Variants in ZNF24 observed in about 807,000 individuals in gnomAD.
ZNF24 encodes the protein retinoic acid suppression protein A.
ZNF24 carries 11 observed loss-of-function variants against 40.9 expected under a neutral mutation model. The ratio of observed to expected loss-of-function variants is 0.27; its 90% CI spans 0.17 to 0.45. The LOEUF (loss-of-function observed/expected upper bound fraction) is 0.45. ZNF24 is among the 20% of genes least tolerant of loss of function. The pLI, the probability that ZNF24 is intolerant of heterozygous loss-of-function variation, is 1.00. For synonymous variants in ZNF24, 139 were observed against 154.7 expected (o/e 0.90, Z 0.75); for missense variants, 293 against 437.7 (o/e 0.67, Z 2.95).
At chr18:35,343,575 G>A (rs1419740028) in intron 1 of ZNF24, among the ~76,000 whole-genome samples, 3 of 152,134 alleles carry the variant, frequency 2.0e-5, no homozygotes, top group Non-Finnish European at 4.4e-5. Context: ...ATCAGAAAAG[G>A]CCTTATCAGA....
chr18:35,344,033 CCCCCTCCCATCA>C (rs1462746570), intron 1 of ZNF24: 1 of 152,270 alleles, frequency 6.6e-6, no homozygotes, highest in African/African-American at 2.4e-5. Flanking sequence ...CCCACTACCA[CCCCCTCCCATCA>C]CGACTCCCAG....
At chr18:35,344,100 C>G (rs994737214) in intron 1 of ZNF24, among the ~76,000 whole-genome samples, 1 of 152,138 alleles carries the variant, frequency 6.6e-6, no homozygotes, top group Non-Finnish European at 1.5e-5. Context: ...ACAAAACCGG[C>G]CGGTGGGGGA....
chr18:35,338,919 C>A, intron 3 of ZNF24: 1 of 1,462,610 alleles, frequency 6.8e-7, no homozygotes, highest in Non-Finnish European at 9.0e-7. Context: ...GAAGAATGTC[C>A]CATGAAACAT....
chr18:35,337,212 C>CTT lies in ZNF24; in HGVS notation c.*18_*19dup, dbSNP rs371928337. The stretch of plus-strand genomic sequence containing the variant: ...GAAGAAAAAGACCTGAGTGCTGATT[C>CTT]TTTTTTTTTTTTCAATTTCTTAAAC... On this transcript the variant is annotated 3_prime_UTR_variant, in exon 4 of 4. Coordinates refer to ENST00000261332, the MANE Select transcript of ZNF24 (RefSeq NM_006965.4). 86 of 1,056,606 alleles carry CTT rather than the reference C, an allele frequency of 8.1e-5. No homozygotes were observed. The highest frequency in any genetic ancestry group is 4.7e-4 in the Middle Eastern group (2 of 4,254). 65.5% of individuals were successfully genotyped at this position (1,056,606 alleles called of 1,614,324 possible).
rs529878248 is a variant in ZNF24 at position 35,337,099 on chromosome 18, T to G, written c.*133A>C. The G allele has an allele frequency of 1.3e-4, 91 of 720,270 alleles. No homozygotes were observed. In the African/African-American group the frequency reaches 1.5e-3, roughly 12 times the overall value. The allele number at this position is 720,270 out of a possible 1,614,324, so 44.6% of individuals were successfully genotyped here. On this transcript the variant is annotated 3_prime_UTR_variant, in exon 4 of 4. Coordinates refer to ENST00000261332, the MANE Select transcript of ZNF24 (RefSeq NM_006965.4). ...AAATATCATAATGGTGAGTGAAGAT[T>G]TTTACATTTCCCAGTGGATTTTCTG... is the stretch of plus-strand genomic sequence containing the variant.
rs2044924697 is a variant in ZNF24 at position 35,337,720 on chromosome 18, G to A, written c.619C>T (p.Pro207Ser). 6.2e-7 allele frequency: 1 copy of A among 1,609,276 alleles called. No homozygotes were observed. The highest frequency in any genetic ancestry group is 1.7e-5 in the Admixed American group (1 of 59,502). The change falls in exon 4 of 4, where the codon CCT (proline) becomes TCT (serine). Residue 207 changes from proline (P) to serine (S), a missense_variant. Coordinates refer to ENST00000261332, the MANE Select transcript of ZNF24 (RefSeq NM_006965.4). Reference protein sequence around the residue: ...NGALAPKQELPSALESHEVPG... With the variant: ...NGALAPKQELSSALESHEVPG... ...ACTTCATGGGATTCTAATGCTGAAG[G>A]AAGCTCCTGCTTTGGAGCTAGTGCT...
chr18:35,337,368 T>G lies in ZNF24; in HGVS notation c.971A>C (p.Asn324Thr). The part of the protein sequence containing the change: ...KAFSQNSGLI[N>T]HQRIHTGEKP... ...CTCCCCAGTATGGATTCTCTGATGA[T>G]TAATAAGCCCCGAATTCTGGCTAAA... The change falls in exon 4 of 4, where the codon AAT (asparagine) becomes ACT (threonine). Residue 324 changes from asparagine (N) to threonine (T), a missense_variant. Transcript: ENST00000261332. 6.2e-7 allele frequency: 1 copy of G among 1,614,132 alleles called. No homozygotes were observed. The highest frequency in any genetic ancestry group is 8.5e-7 in the Non-Finnish European group (1 of 1,179,984).
rs2044874446 is a variant in ZNF24, at chr18:35,333,305, G to C, written c.*3927C>G. The C allele has an allele frequency of 6.6e-6, 1 of 152,060 alleles. No homozygotes were observed. The highest frequency in any genetic ancestry group is 2.4e-5 in the African/African-American group (1 of 41,394). The allele number at this position is 152,060 out of a possible 1,614,324, so 9.4% of individuals were successfully genotyped here. ...GAGACCAAAATTTTAAAAAGCTACA[G>C]AATATGAGATCCTATTTATGTAAAA... On this transcript the variant is annotated 3_prime_UTR_variant, in exon 4 of 4. Transcript: ENST00000261332.
Position 35,340,107 on chromosome 18 carries a change from G to A in ZNF24, c.420+124C>T. ...CAAAGCGGCACAGATAACAAGGAGT[G>A]GTAGGGGAATGGGGGAAAAGGCATA... On this transcript the variant is annotated intron_variant, in intron 2 of 3. Transcript: ENST00000261332. This position sits in a 1 kb window ranked among gnomAD's most constrained non-coding sequence, Gnocchi z 4.6. The A allele has an allele frequency of 1.3e-6, 2 of 1,481,952 alleles. No individual in the cohort carries two copies. The highest frequency in any genetic ancestry group is 1.8e-6 in the Non-Finnish European group (2 of 1,088,696). The allele number at this position is 1,481,952 out of a possible 1,614,324, so 91.8% of individuals were successfully genotyped here. A position where few individuals can be genotyped will look rare whatever the true frequency, so the allele number is the denominator to read the frequency against.
In ZNF24 at chr18:35,337,704, G is replaced by A; in HGVS notation, c.635C>T (p.Ser212Phe). The change falls in exon 4 of 4, where the codon TCC becomes TTC. Residue 212 changes from serine to phenylalanine, a missense_variant. Physicochemically the swap from Ser to Phe is radical, Grantham distance 155. Around this residue, in one of 2 missense-constraint regions of ZNF24, gnomAD observed 234 missense variants for 299.2 expected, o/e 0.78. Transcript: ENST00000261332. ...PKQELPSALESHEVPGTLNMG... is the reference protein window; with the variant it reads ...PKQELPSALEFHEVPGTLNMG... The stretch of plus-strand genomic sequence containing the variant: ...ATTGAGAGTGCCAGGAACTTCATGG[G>A]ATTCTAATGCTGAAGGAAGCTCCTG... 1.2e-6 allele frequency: 2 copies of A among 1,612,410 alleles called. No homozygotes were observed. The highest frequency in any genetic ancestry group is 1.7e-6 in the Non-Finnish European group (2 of 1,179,756).
chr18:35,340,400 T>C lies in ZNF24; in HGVS notation c.251A>G (p.Glu84Gly). The change falls in exon 2 of 4, where the codon GAG (glutamate) becomes GGG (glycine). Residue 84 changes from glutamate (E) to glycine (G), a missense_variant. Glu to Gly is a moderately conservative substitution (Grantham distance 98). Around this residue, in one of 2 missense-constraint regions of ZNF24, gnomAD observed 234 missense variants for 299.2 expected, o/e 0.78. Transcript: ENST00000261332. This position sits in a 1 kb window ranked among gnomAD's most constrained non-coding sequence, Gnocchi z 4.6. ...CAAGATTTGTTCTTTTGTGTGCGTC[T>C]CTGGCCTGAGCCACAGACGGCAAAG... The part of the protein sequence containing the change: ...RELCRLWLRP[E>G]THTKEQILEL... 6.2e-7 allele frequency: 1 copy of C among 1,614,238 alleles called. No individual in the cohort carries two copies. The highest frequency in any genetic ancestry group is 8.5e-7 in the Non-Finnish European group (1 of 1,180,042).
In ZNF24 at chr18:35,334,178, C is replaced by T. The variant is rs1055440969; in HGVS notation, c.*3054G>A. Reference sequence around the variant, plus strand: ...AAAGGAAATATCCTTTTTCATTTTACATTTCTGCACTGTAAAAAATTCAAA... The same window carrying T: ...AAAGGAAATATCCTTTTTCATTTTATATTTCTGCACTGTAAAAAATTCAAA... On this transcript the variant is annotated 3_prime_UTR_variant, in exon 4 of 4. Transcript: ENST00000261332. 3 of 152,150 alleles carry T rather than the reference C, an allele frequency of 2.0e-5. No homozygotes were observed. The highest frequency in any genetic ancestry group is 6.5e-5 in the Admixed American group (1 of 15,286). The allele number at this position is 152,150 out of a possible 1,614,324, so 9.4% of individuals were successfully genotyped here.
chr18:35,338,118 T>C (rs1446717878), intron 3 of ZNF24: 1 of 921,612 alleles, frequency 1.1e-6, no homozygotes, highest in Admixed American at 6.0e-5. Context: ...AAAATAAAAT[T>C]GGCCACTAGG....
At position 35,333,252 on chromosome 18, in the gene ZNF24, G is replaced by T. The variant is rs2044874017; in HGVS notation, c.*3980C>A. 1.3e-5 allele frequency: 2 copies of T among 152,116 alleles called. No individual in the cohort carries two copies. The highest frequency in any genetic ancestry group is 2.4e-5 in the African/African-American group (1 of 41,422). 9.4% of individuals were successfully genotyped at this position (152,116 alleles called of 1,614,324 possible). A position where few individuals can be genotyped will look rare whatever the true frequency, so the allele number is the denominator to read the frequency against. On this transcript the variant is annotated 3_prime_UTR_variant, in exon 4 of 4. Transcript: ENST00000261332. Reference sequence around the variant, plus strand: ...TATTTAATCATATTCAACCATTAAAGAAATTTAAAGACCTGTTATCTTTTT... The same window carrying T: ...TATTTAATCATATTCAACCATTAAATAAATTTAAAGACCTGTTATCTTTTT...
Position 35,336,825 on chromosome 18 carries a change from T to C in ZNF24, c.*407A>G, listed in dbSNP as rs1463746929. ...ATGGTTTAAAATGGTTTTCAGACTT[T>C]GTAATTCCTGTTGCCTTTTAATATA... is the stretch of plus-strand genomic sequence containing the variant. On this transcript the variant is annotated 3_prime_UTR_variant, in exon 4 of 4. Transcript: ENST00000261332. The C allele has an allele frequency of 6.4e-6, 1 of 155,550 alleles. No homozygotes were observed. The highest frequency in any genetic ancestry group is 2.4e-5 in the African/African-American group (1 of 41,620). The allele number at this position is 155,550 out of a possible 1,614,324, so 9.6% of individuals were successfully genotyped here.
Position 35,340,294 on chromosome 18 carries a change from A to G in ZNF24, c.357T>C (p.Asn119=). 2 of 1,614,110 alleles carry G rather than the reference A, an allele frequency of 1.2e-6. No individual in the cohort carries two copies. The highest frequency in any genetic ancestry group is 8.5e-7 in the Non-Finnish European group (1 of 1,180,008). ...CCAGCACTGTCACTGCCTCCTCTCCATTCTCTGGATGATGATCTCGAACCC... is the reference window on the plus strand; with the variant it reads ...CCAGCACTGTCACTGCCTCCTCTCCGTTCTCTGGATGATGATCTCGAACCC... ...QTWVRDHHPE[N]GEEAVTVLED... is the part of the protein sequence containing the mutation. Residue 119 remains asparagine, a synonymous_variant, in exon 2 of 4, where the codon AAT becomes AAC. Coordinates refer to ENST00000261332, the MANE Select transcript of ZNF24 (RefSeq NM_006965.4). This position sits in a 1 kb window ranked among gnomAD's most constrained non-coding sequence, Gnocchi z 4.6.
Position 35,337,747 on chromosome 18 carries a change from C to G in ZNF24, c.592G>C (p.Gly198Arg). Residue 198 changes from glycine (G) to arginine (R), a missense_variant, in exon 4 of 4, where the codon GGA becomes CGA. Transcript: ENST00000261332. ...HCDDDGRTEN[G>R]ALAPKQELPS... ...AGCTCCTGCTTTGGAGCTAGTGCTC[C>G]ATTTTCAGTCCTACCATCATCATCT... 6.3e-7 allele frequency: 1 copy of G among 1,591,882 alleles called. No homozygotes were observed. Among genetic ancestry groups the G allele is most frequent in the Non-Finnish European group, 8.5e-7 (1 of 1,171,588 alleles).
intron 3 of ZNF24, 86 bp downstream of exon 3, chr18:35,339,743 C>A: frequency 8.0e-7 from 1 of 1,245,484 alleles, no homozygotes; most frequent in Non-Finnish European, 1.1e-6. Context: ...GATATGATCC[C>A]CCCACCAGTG....
chr18:35,340,599 C>T lies in ZNF24; in HGVS notation c.52G>A (p.Asp18Asn). 2 of 1,614,156 alleles carry T rather than the reference C, an allele frequency of 1.2e-6. No individual in the cohort carries two copies. Among genetic ancestry groups the T allele is most frequent in the Non-Finnish European group, 1.7e-6 (2 of 1,180,042 alleles). Residue 18 changes from aspartate (D) to asparagine (N), a missense_variant, in exon 2 of 4, where the codon GAT (aspartate) becomes AAT (asparagine). Physicochemically the swap from Asp to Asn is conservative, Grantham distance 23. Transcript: ENST00000261332. This position sits in a 1 kb window ranked among gnomAD's most constrained non-coding sequence, Gnocchi z 4.6. The part of the protein sequence containing the change: ...EDSILIIPTP[D>N]EEEKILRVKL... ...ACTCTCAGAATTTTTTCCTCTTCATCTGGAGTTGGGATGATAAGTATTGAA... is the reference window on the plus strand; with the variant it reads ...ACTCTCAGAATTTTTTCCTCTTCATTTGGAGTTGGGATGATAAGTATTGAA...
Sources: allele counts gnomAD v4.1 joint callset (sites outside exome capture counted in the v4.1 genomes callset), GRCh38; gene constraint gnomAD v4.1.1; regional missense constraint gnomAD v4.1.1; non-coding constraint Gnocchi (gnomAD v3.1); transcripts MANE v1.5; gene names NCBI Gene and HGNC (gene_info 2026-07-23, HGNC 2026-07-21).